Variants in GPC5 observed in about 807,000 individuals in gnomAD.
The protein encoded by GPC5 is glypican-5.
GPC5 carries 47 observed loss-of-function variants against 53.9 expected under a neutral mutation model. The observed-to-expected ratio is 0.87, with a 90% confidence interval of 0.69 to 1.11. The LOEUF (loss-of-function observed/expected upper bound fraction) is 1.11, where lower values mean the gene tolerates loss of function less well. Ranked by LOEUF, GPC5 falls within the 50% of genes most tolerant of loss-of-function variation. The probability of loss-of-function intolerance (pLI) is 0.00; values close to 1 mark genes in which losing one functional copy is unlikely to be tolerated. For missense variants in GPC5, 748 were observed against 713.1 expected (o/e 1.05, Z -0.56); for synonymous variants, 286 against 263.3 (o/e 1.09, Z -0.84).
intron 6 of GPC5, among the ~76,000 whole-genome samples, chr13:91,970,108 C>G (rs934772580): frequency 3.3e-5 from 5 of 152,122 alleles, no homozygotes; most frequent in Admixed American, 2.6e-4. Flanking sequence ...GAAATTTTGC[C>G]TTCCATTTGC....
chr13:92,620,383 T>A (rs1884832065), intron 7 of GPC5, among the ~76,000 whole-genome samples: 1 of 152,118 alleles, frequency 6.6e-6, no homozygotes, highest in Admixed American at 6.6e-5. Context: ...GCAGCTGGCC[T>A]AAAAAGAAGC....
At position 91,399,332 on chromosome 13, in the gene GPC5, A is replaced by G. The variant is rs1594035439; in HGVS notation, c.163+123A>G. 8.9e-6 allele frequency: 11 copies of G among 1,240,116 alleles called. No homozygotes were observed. In the East Asian group the frequency reaches 2.8e-4, roughly 32 times the overall value. The allele number at this position is 1,240,116 out of a possible 1,614,324, so 76.8% of individuals were successfully genotyped here. On this transcript the variant is annotated intron_variant, in intron 1 of 7. Transcript: ENST00000377067. ...CGGGCCCTGCAGCCGCGCAGGGTGAATCCCGGGGAGGCTTCCGGGGATGCT... is the reference window on the plus strand; with the variant it reads ...CGGGCCCTGCAGCCGCGCAGGGTGAGTCCCGGGGAGGCTTCCGGGGATGCT...
chr13:91,561,833 G>A (rs1442880919), intron 2 of GPC5, among the ~76,000 whole-genome samples: 3 of 152,072 alleles, frequency 2.0e-5, no homozygotes, highest in Non-Finnish European at 4.4e-5. Context: ...TATTTTTACT[G>A]AGAAAAATCA....
In GPC5 at chr13:91,975,588, T is replaced by C. The variant is rs2040292239; in HGVS notation, c.1401+67531T>C. On this transcript the variant is annotated intron_variant, in intron 6 of 7. Transcript: ENST00000377067. ...ACAATAAGATACCATCTCACACCAG[T>C]TAGAAAGGTGATCATTAAAAAGTCA... is the stretch of plus-strand genomic sequence containing the variant. Among the ~76,000 whole-genome samples the C allele has an allele frequency of 7.2e-5, 11 of 152,238 alleles. No individual in the cohort carries two copies. In the South Asian group the frequency reaches 2.3e-3, roughly 32 times the overall value.
chr13:92,805,448 T>A lies in GPC5; in HGVS notation c.1562-60834T>A, dbSNP rs535687640. ...TGAAAGAGATCTTTTTAAAATTTAATTTTTTTGAGAAAGTGTCTCATTCTG... is the reference window on the plus strand; with the variant it reads ...TGAAAGAGATCTTTTTAAAATTTAAATTTTTTGAGAAAGTGTCTCATTCTG... On this transcript the variant is annotated intron_variant, in intron 7 of 7. Coordinates refer to ENST00000377067, the MANE Select transcript of GPC5 (RefSeq NM_004466.6). Among the ~76,000 whole-genome samples the A allele has an allele frequency of 4.3e-4, 66 of 152,100 alleles. No individual in the cohort carries two copies. In the South Asian group the frequency reaches 0.012, roughly 27 times the overall value.
Position 92,669,907 on chromosome 13 carries a change from G to C in GPC5, c.1562-196375G>C, listed in dbSNP as rs186163706. 7.8e-4 allele frequency among the ~76,000 whole-genome samples: 118 copies of C among 152,206 alleles called. 1 individual carries two copies. Among genetic ancestry groups the C allele is most frequent in the African/African-American group, 2.5e-3 (105 of 41,544 alleles). The stretch of plus-strand genomic sequence containing the variant: ...GTGACACCTCTGGGACAATGTACCG[G>C]AATCCCTAGACAAGGATCTTTGTTA... On this transcript the variant is annotated intron_variant, in intron 7 of 7. Transcript: ENST00000377067.
At chr13:92,061,768 A>G (rs939126178) in intron 6 of GPC5, among the ~76,000 whole-genome samples, 6 of 151,978 alleles carry the variant, frequency 3.9e-5, no homozygotes, top group African/African-American at 1.5e-4. Context: ...TCATTTTTCT[A>G]TAGCTATCTC....
chr13:92,573,698 C>T (rs1182690337), intron 7 of GPC5, among the ~76,000 whole-genome samples: 1 of 152,162 alleles, frequency 6.6e-6, no homozygotes, highest in Admixed American at 6.6e-5. Flanking sequence ...TGTGTGAAGA[C>T]AACTGATCAT....
chr13:91,796,489 C>T (rs574884026), intron 5 of GPC5, among the ~76,000 whole-genome samples: 13 of 152,286 alleles, frequency 8.5e-5, no homozygotes, highest in Non-Finnish European at 1.8e-4. Flanking sequence ...CAGGAGGGGA[C>T]CCAAAAGGGG....
At chr13:91,580,080 T>C (rs1473929916) in intron 2 of GPC5, among the ~76,000 whole-genome samples, 1 of 152,092 alleles carries the variant, frequency 6.6e-6, no homozygotes, top group Non-Finnish European at 1.5e-5. Context: ...AAACAGAGTC[T>C]TGCTCTGTCA....
At chr13:91,659,922 G>A (rs1242326541) in intron 2 of GPC5, among the ~76,000 whole-genome samples, 3 of 152,178 alleles carry the variant, frequency 2.0e-5, no homozygotes, top group African/African-American at 7.2e-5. Context: ...TTTATTCAGA[G>A]CTTGCTACAG....
chr13:92,059,560 C>T (rs1325065846), intron 6 of GPC5, among the ~76,000 whole-genome samples: 1 of 151,762 alleles, frequency 6.6e-6, no homozygotes, highest in Non-Finnish European at 1.5e-5. Context: ...TTTAAATTCA[C>T]TCAATAGTAT....
At chr13:92,268,992 G>A (rs1240294552) in intron 7 of GPC5, among the ~76,000 whole-genome samples, 2 of 151,840 alleles carry the variant, frequency 1.3e-5, no homozygotes, top group African/African-American at 4.8e-5. Context: ...TTTATATATA[G>A]GACTTCTTAA....
At chr13:91,430,936 G>T (rs369589091) in intron 1 of GPC5, among the ~76,000 whole-genome samples, 2 of 152,120 alleles carry the variant, frequency 1.3e-5, no homozygotes, top group Non-Finnish European at 2.9e-5. Context: ...GTGCAGGGGC[G>T]TGATCACAGC....
intron 6 of GPC5, among the ~76,000 whole-genome samples, chr13:92,011,042 A>G (rs956971557): frequency 6.6e-6 from 1 of 152,240 alleles, no homozygotes; most frequent in Admixed American, 6.5e-5. Context: ...GTGTGTGAAT[A>G]TGTACCAACA....
chr13:91,455,782 T>A (rs1272967987), intron 2 of GPC5, among the ~76,000 whole-genome samples: 1 of 152,086 alleles, frequency 6.6e-6, no homozygotes, highest in African/African-American at 2.4e-5. Context: ...TCTGCCTCTT[T>A]CCTGTCATAT....
At chr13:91,894,468 A>G (rs1028867128) in intron 5 of GPC5, among the ~76,000 whole-genome samples, 2 of 152,208 alleles carry the variant, frequency 1.3e-5, no homozygotes, top group African/African-American at 2.4e-5. Context: ...CATTGATCCA[A>G]CAACATACGA....
intron 7 of GPC5, among the ~76,000 whole-genome samples, chr13:92,755,092 C>T (rs1366796465): frequency 2.0e-5 from 3 of 150,742 alleles, no homozygotes; most frequent in South Asian, 2.1e-4. Context: ...AAGCTCTCCT[C>T]AGCAAATGTA....
chr13:91,666,938 C>A (rs1219634789), intron 2 of GPC5, among the ~76,000 whole-genome samples: 1 of 151,824 alleles, frequency 6.6e-6, no homozygotes, highest in East Asian at 1.9e-4. Context: ...ATAGATTAGC[C>A]AAAACAATTT....
Sources: allele counts gnomAD v4.1 joint callset (sites outside exome capture counted in the v4.1 genomes callset), GRCh38; gene constraint gnomAD v4.1.1; transcripts MANE v1.5; gene names NCBI Gene and HGNC (gene_info 2026-07-23, HGNC 2026-07-21).